LCT: variants seen among roughly 807,000 people sequenced by gnomAD.
LCT encodes lactase.
In LCT, 90 loss-of-function variants were observed where a neutral mutation model predicts 173.0. The observed-to-expected ratio is 0.52, with a 90% CI of 0.44 to 0.62. The LOEUF (loss-of-function observed/expected upper bound fraction) is 0.62, where lower values mean the gene tolerates loss of function less well. LCT is among the 20% of genes least tolerant of loss of function. The probability of loss-of-function intolerance (pLI) is 0.00; values close to 1 mark genes in which losing one functional copy is unlikely to be tolerated. For synonymous variants in LCT, 853 were observed against 957.6 expected (o/e 0.89, Z 2.02); for missense variants, 1,864 against 2,431.4 (o/e 0.77, Z 4.91).
intron 14 of LCT, among the ~76,000 whole-genome samples, chr2:135,791,896 T>C (rs2077535604): frequency 6.6e-6 from 1 of 152,222 alleles, no homozygotes; most frequent in African/African-American, 2.4e-5. Context: ...AGACAGGACT[T>C]AGGTACAGCT....
chr2:135,792,747 A>C (rs2077543058), intron 14 of LCT, among the ~76,000 whole-genome samples: 1 of 152,182 alleles, frequency 6.6e-6, no homozygotes, highest in Non-Finnish European at 1.5e-5. Context: ...GCCTCACCCG[A>C]GGAGAGTCTG....
At position 135,804,962 on chromosome 2, in the gene LCT, G is replaced by A. The variant is rs773638318; in HGVS notation, c.4269C>T (p.Asp1423=). The A allele has an allele frequency of 1.5e-5, 25 of 1,614,146 alleles. 1 individual carries two copies. The highest frequency in any genetic ancestry group is 1.2e-4 in the South Asian group (11 of 91,082). The part of the protein sequence containing the change: ...PLRVENDAIG[D]VACDSYHKIA... The stretch of plus-strand genomic sequence containing the variant: ...TCTTGTGATAACTGTCACAGGCCAC[G>A]TCTCCAATGGCATCGTTCTCAACCC... The change falls in exon 10 of 17, where the codon GAC becomes GAT. Residue 1423 remains aspartate, a synonymous_variant. Coordinates refer to ENST00000264162, the MANE Select transcript of LCT (RefSeq NM_002299.4).
chr2:135,825,332 G>A (rs922765619), intron 3 of LCT, among the ~76,000 whole-genome samples: 1 of 152,190 alleles, frequency 6.6e-6, no homozygotes, highest in East Asian at 1.9e-4. Context: ...AGGCCGAGCG[G>A]GTTGCCCATG....
chr2:135,819,761 G>A lies in LCT; in HGVS notation c.987-1700C>T, dbSNP rs535884783. On this transcript the variant is annotated intron_variant, in intron 5 of 16. Transcript: ENST00000264162. ...AGCTGGGGATGTGTCGCGTCCCCTC[G>A]GTGCTCAGCCTCTGCGTATCCACGG... 1.4e-4 allele frequency among the ~76,000 whole-genome samples: 21 copies of A among 152,286 alleles called. No homozygotes were observed. In the South Asian group the frequency reaches 4.4e-3, roughly 32 times the overall value.
At chr2:135,801,485 C>T (rs2077627303) in intron 11 of LCT, among the ~76,000 whole-genome samples, 1 of 151,964 alleles carries the variant, frequency 6.6e-6, no homozygotes, top group South Asian at 2.1e-4. Context: ...GAGGCTGAGG[C>T]AGGTGGATCA....
intron 4 of LCT, chr2:135,822,360 C>A: frequency 2.2e-6 from 1 of 454,960 alleles, no homozygotes; most frequent in Non-Finnish European, 4.1e-6. Context: ...GCTGGTCCCA[C>A]CCCAAGAGTG....
At position 135,817,718 on chromosome 2, in the gene LCT, A is replaced by T. The variant is rs148438204; in HGVS notation, c.1330T>A (p.Cys444Ser). 2 of 1,613,928 alleles carry T rather than the reference A, an allele frequency of 1.2e-6. No homozygotes were observed. The highest frequency in any genetic ancestry group is 2.7e-5 in the African/African-American group (2 of 74,942). The part of the protein sequence containing the change: ...HKVASDVALL[C>S]GLRAQVYKFS... The stretch of plus-strand genomic sequence containing the variant: ...TTGTACACCTGAGCCCGGAGGCCGC[A>T]AAGCAGGGCGACGTCAGAGGCTACC... Residue 444 changes from cysteine (C) to serine (S), a missense_variant, in exon 6 of 17, where the codon TGC becomes AGC. Cys to Ser is a moderately radical substitution (Grantham distance 112, BLOSUM62 -1). Around this residue, in one of 4 missense-constraint regions of LCT, gnomAD observed 183 missense variants for 293.1 expected, o/e 0.62. Transcript: ENST00000264162.
chr2:135,818,248 T>C (rs1482616575), intron 5 of LCT, among the ~76,000 whole-genome samples, 187 bp from the exon 6 acceptor site: 2 of 152,216 alleles, frequency 1.3e-5, no homozygotes, highest in Admixed American at 1.3e-4. Context: ...TTACCCCTTC[T>C]GAGGTGAGTG....
rs755997995 is a variant in LCT, at chr2:135,788,402, T to C, written c.5706A>G (p.Ser1902=). 2.5e-6 allele frequency: 4 copies of C among 1,614,054 alleles called. No individual in the cohort carries two copies. The African/African-American group carries it at 5.3e-5, about 22-fold the overall frequency. ...GCTTAGAGCGCTTGCAGTACTTGTA[T>C]GACAGAAATGCCAAGCCACAGACTC... ...LLGVCGLAFL[S]YKYCKRSKQG... The change falls in exon 17 of 17, where the codon TCA becomes TCG. Residue 1902 remains serine (S), a synonymous_variant. Transcript: ENST00000264162.
intron 11 of LCT, among the ~76,000 whole-genome samples, chr2:135,803,629 G>A (rs1170057370): frequency 6.6e-6 from 1 of 152,212 alleles, no homozygotes; most frequent in Non-Finnish European, 1.5e-5. Flanking sequence ...GACCTGTACA[G>A]CCTGACAAAC....
At chr2:135,806,821 G>T (rs1405697292) in intron 9 of LCT, among the ~76,000 whole-genome samples, 1 of 152,208 alleles carries the variant, frequency 6.6e-6, no homozygotes, top group Non-Finnish European at 1.5e-5. Context: ...GTAAATCCCT[G>T]TTGTGAGCAA....
At chr2:135,823,791 C>T in intron 4 of LCT, 110 bp downstream of exon 4, 2 of 770,962 alleles carry the variant, frequency 2.6e-6, no homozygotes, top group Non-Finnish European at 4.6e-6. Context: ...TTATACTAGT[C>T]TTCCTCCCAT....
rs200028870 is a variant in LCT at position 135,807,182 on chromosome 2, C to T, written c.4119G>A (p.Leu1373=). 1 of 1,614,234 alleles carries T rather than the reference C, an allele frequency of 6.2e-7. No homozygotes were observed. The highest frequency in any genetic ancestry group is 8.5e-7 in the Non-Finnish European group (1 of 1,180,040). ...GMPLAREDEF[L]YGRFPEGFIW... is the part of the protein sequence containing the mutation. The stretch of plus-strand genomic sequence containing the variant: ...TGAAGCCCTCAGGAAACCGTCCGTA[C>T]AGAAACTCATCCTCCCTGGCCAGTG... Residue 1373 remains leucine, a synonymous_variant, in exon 9 of 17, where the codon CTG becomes CTA. Coordinates refer to ENST00000264162, the MANE Select transcript of LCT (RefSeq NM_002299.4).
chr2:135,791,014 A>G (rs1250709019), intron 14 of LCT, 133 bp from the exon 15 acceptor site: 4 of 738,304 alleles, frequency 5.4e-6, no homozygotes, highest in East Asian at 5.3e-5. Flanking sequence ...TACTAAACCC[A>G]GAAGAATCAA....
At chr2:135,832,216 CAA>C (rs781230596) in intron 2 of LCT, among the ~76,000 whole-genome samples, 1 of 144,430 alleles carries the variant, frequency 6.9e-6, no homozygotes. Context: ...AACTCCATCT[CAA>C]AAAAAAAATA....
chr2:135,817,448 C>T lies in LCT; in HGVS notation c.1600G>A (p.Val534Met). Residue 534 changes from valine to methionine, a missense_variant, in exon 6 of 17, where the codon GTG becomes ATG. Physicochemically the swap from Val to Met is conservative, Grantham distance 21 (BLOSUM62 1). Around this residue, in one of 4 missense-constraint regions of LCT, gnomAD observed 183 missense variants for 293.1 expected, o/e 0.62. Coordinates refer to ENST00000264162, the MANE Select transcript of LCT (RefSeq NM_002299.4). ...TCATGGAAGGTCACCCACAGCTTCACACGGTCCCCAAATGTGGAGAAGCAG... is the reference window on the plus strand; with the variant it reads ...TCATGGAAGGTCACCCACAGCTTCATACGGTCCCCAAATGTGGAGAAGCAG... The part of the protein sequence containing the change: ...AFCFSTFGDR[V>M]KLWVTFHEPW... 6.2e-7 allele frequency: 1 copy of T among 1,614,188 alleles called. No homozygotes were observed. Among genetic ancestry groups the T allele is most frequent in the East Asian group, 2.2e-5 (1 of 44,864 alleles).
At chr2:135,795,538 T>C (rs927016573) in intron 13 of LCT, among the ~76,000 whole-genome samples, 2 of 151,812 alleles carry the variant, frequency 1.3e-5, no homozygotes, top group Non-Finnish European at 2.9e-5. Context: ...TATTTCCGTT[T>C]TCTGCCCTTT....
chr2:135,809,193 T>C lies in LCT; in HGVS notation c.3154A>G (p.Thr1052Ala). ...CAAAACTTGACTCTATCACCAAAGGTCTGGAAACAAAAGTCTGCGTAGCTG... is the reference window on the plus strand; with the variant it reads ...CAAAACTTGACTCTATCACCAAAGGCCTGGAAACAAAAGTCTGCGTAGCTG... ...FDSYADFCFQ[T>A]FGDRVKFWMT... The change falls in exon 8 of 17, where the codon ACC becomes GCC. Residue 1052 changes from threonine (T) to alanine (A), a missense_variant. Thr to Ala is a moderately conservative substitution (Grantham distance 58, BLOSUM62 0). Coordinates refer to ENST00000264162, the MANE Select transcript of LCT (RefSeq NM_002299.4). This position sits in a 1 kb window ranked among gnomAD's most constrained non-coding sequence, Gnocchi z 5.5. 1 of 1,614,098 alleles carries C rather than the reference T, an allele frequency of 6.2e-7. No homozygotes were observed.
chr2:135,818,962 A>G (rs2105544479), intron 5 of LCT, among the ~76,000 whole-genome samples: 1 of 152,334 alleles, frequency 6.6e-6, no homozygotes, highest in Admixed American at 6.5e-5. Flanking sequence ...TCCTTTCTTC[A>G]TGCTGCTTGG....
Sources: allele counts gnomAD v4.1 joint callset (sites outside exome capture counted in the v4.1 genomes callset), GRCh38; gene constraint gnomAD v4.1.1; regional missense constraint gnomAD v4.1.1; non-coding constraint Gnocchi (gnomAD v3.1); transcripts MANE v1.5; gene names NCBI Gene and HGNC (gene_info 2026-07-23, HGNC 2026-07-21).